Variants in FARP1 observed in about 807,000 individuals in gnomAD.
FARP1 encodes the protein FERM, ARH/RhoGEF and pleckstrin domain protein 1, also known as FERM, ARHGEF and pleckstrin domain-containing protein 1.
In FARP1, 52 loss-of-function variants were observed where a neutral mutation model predicts 128.8. The ratio of observed to expected loss-of-function variants is 0.40; its 90% CI spans 0.32 to 0.51. The LOEUF (loss-of-function observed/expected upper bound fraction) is 0.51. FARP1 is among the 20% of genes least tolerant of loss of function. FARP1 has a pLI of 0.45. For synonymous variants in FARP1, 580 were observed against 551.8 expected, an observed-to-expected ratio of 1.05 and a Z score of -0.72; for missense variants, 1,333 against 1,367.9, an observed-to-expected ratio of 0.97 and a Z score of 0.40.
chr13:98,351,585 C>G (rs1022664465), intron 3 of FARP1, among the ~76,000 whole-genome samples: 5 of 147,822 alleles, frequency 3.4e-5, no homozygotes, highest in African/African-American at 5.0e-5. Context: ...GCTCTCCAGC[C>G]TGGGCAACAA....
chr13:98,350,003 G>A (rs1888347716), intron 3 of FARP1, among the ~76,000 whole-genome samples: 1 of 152,130 alleles, frequency 6.6e-6, no homozygotes, highest in African/African-American at 2.4e-5. Context: ...GAGGACCTCT[G>A]AGGTGAGGAG....
rs1295100387 is a variant in FARP1, at chr13:98,451,503, T to G, written c.*3186T>G. 6.6e-6 allele frequency: 1 copy of G among 152,154 alleles called. No individual in the cohort carries two copies. Among genetic ancestry groups the G allele is most frequent in the Non-Finnish European group, 1.5e-5 (1 of 68,046 alleles). The allele number at this position is 152,154 out of a possible 1,614,324, so 9.4% of individuals were successfully genotyped here. On this transcript the variant is annotated 3_prime_UTR_variant, in exon 27 of 27. Transcript: ENST00000319562. ...ATCCACTTCTAATAAAATACCTCAA[T>G]TTTAGAGCTTAAAAACCAGACTGCA...
rs1474031234 is a variant in FARP1 at position 98,213,310 on chromosome 13, G to C, written c.68G>C (p.Ser23Thr). The change falls in exon 2 of 27, where the codon AGT (serine) becomes ACT (threonine). Residue 23 changes from serine to threonine, a missense_variant. Physicochemically the swap from Ser to Thr is moderately conservative, Grantham distance 58. This residue lies in a region of FARP1 where 324 missense variants were observed against 398.1 expected (regional missense o/e 0.81). Transcript: ENST00000319562. ...RLGAPENSGI[S>T]TLERGQKPPP... ...GGGGCCCCGGAAAATTCGGGGATCAGTACCTTGGAACGTGGACAGAAGCCG... is the reference window on the plus strand; with the variant it reads ...GGGGCCCCGGAAAATTCGGGGATCACTACCTTGGAACGTGGACAGAAGCCG... 6.2e-7 allele frequency: 1 copy of C among 1,614,062 alleles called. No homozygotes were observed. Among genetic ancestry groups the C allele is most frequent in the Non-Finnish European group, 8.5e-7 (1 of 1,180,036 alleles).
rs369204407 is a variant in FARP1, at chr13:98,237,542, G to A, written c.171+24129G>A. On this transcript the variant is annotated intron_variant, in intron 2 of 26. Coordinates refer to ENST00000319562, the MANE Select transcript of FARP1 (RefSeq NM_005766.4). Reference sequence around the variant, plus strand: ...TCTGCTTCAAATGTGGATCATCTCCGTCATGAGCGGTTCATCTCCACTAAA... The same window carrying A: ...TCTGCTTCAAATGTGGATCATCTCCATCATGAGCGGTTCATCTCCACTAAA... Among the ~76,000 whole-genome samples, 141 of 152,278 alleles carry A rather than the reference G, an allele frequency of 9.3e-4. 1 individual carries two copies. Among genetic ancestry groups the A allele is most frequent in the Middle Eastern group, 3.4e-3 (1 of 294 alleles).
intron 13 of FARP1, among the ~76,000 whole-genome samples, chr13:98,408,967 C>A (rs1435611278): frequency 6.6e-6 from 1 of 151,454 alleles, no homozygotes; most frequent in Non-Finnish European, 1.5e-5. Flanking sequence ...CTAATCATTT[C>A]CCCATGTCTC....
In FARP1 at chr13:98,370,738, G is replaced by C. The variant is rs373513616; in HGVS notation, c.398+2543G>C. On this transcript the variant is annotated intron_variant, in intron 5 of 26. Transcript: ENST00000319562. Reference sequence around the variant, plus strand: ...AGCAGCAGGAAGGACATCAGATACAGGAATGTGCAGCTCCAGGGAGACAGT... The same window carrying C: ...AGCAGCAGGAAGGACATCAGATACACGAATGTGCAGCTCCAGGGAGACAGT... 2.6e-5 allele frequency among the ~76,000 whole-genome samples: 4 copies of C among 152,286 alleles called. No homozygotes were observed. In the East Asian group the frequency reaches 7.7e-4, roughly 29 times the overall value.
At chr13:98,423,771 A>G (rs760269716) in intron 16 of FARP1, among the ~76,000 whole-genome samples, 16 of 152,258 alleles carry the variant, frequency 1.1e-4, no homozygotes, top group Non-Finnish European at 2.1e-4. Context: ...GCTCATGACT[A>G]TAATTAACTT....
intron 17 of FARP1, among the ~76,000 whole-genome samples, chr13:98,426,383 A>G (rs1317390343): frequency 2.0e-5 from 3 of 152,152 alleles, no homozygotes; most frequent in African/African-American, 4.8e-5. Context: ...CCAGCTACTC[A>G]GGGGGCTGAG....
chr13:98,422,414 G>T (rs911655856), intron 16 of FARP1, among the ~76,000 whole-genome samples: 2 of 152,178 alleles, frequency 1.3e-5, no homozygotes, highest in Admixed American at 6.5e-5. Flanking sequence ...GAGGACTGAG[G>T]ATGCTGTGTT....
chr13:98,439,327 C>T (rs1278337239), intron 21 of FARP1, 131 bp downstream of exon 21: 2 of 655,646 alleles, frequency 3.1e-6, no homozygotes, highest in Non-Finnish European at 2.7e-6. Flanking sequence ...ATCTTGGTTA[C>T]AAGACATGGG....
At chr13:98,254,579 T>C (rs1831784361) in intron 2 of FARP1, among the ~76,000 whole-genome samples, 1 of 152,206 alleles carries the variant, frequency 6.6e-6, no homozygotes, top group Non-Finnish European at 1.5e-5. Flanking sequence ...CTTCTGCCTG[T>C]GTTGCTGTAG....
At position 98,192,686 on chromosome 13, in the gene FARP1, C is replaced by T. The variant is rs542386663; in HGVS notation, c.-23-20534C>T. 6.6e-4 allele frequency among the ~76,000 whole-genome samples: 100 copies of T among 152,142 alleles called. 1 individual carries two copies. In the South Asian group the frequency reaches 0.011, roughly 17 times the overall value. On this transcript the variant is annotated intron_variant, in intron 1 of 26. Transcript: ENST00000319562. ...GATTACAAGTGTGAGTCACTGCGCCCGGCTGACTTGTTATTCTACTTTCAA... is the reference window on the plus strand; with the variant it reads ...GATTACAAGTGTGAGTCACTGCGCCTGGCTGACTTGTTATTCTACTTTCAA...
At chr13:98,346,851 C>T (rs908334003) in intron 3 of FARP1, among the ~76,000 whole-genome samples, 3 of 152,194 alleles carry the variant, frequency 2.0e-5, no homozygotes, top group Non-Finnish European at 4.4e-5. Flanking sequence ...TGTGTTCTCT[C>T]TCTTGATCTG....
At chr13:98,359,510 C>T (rs752469762) in intron 3 of FARP1, among the ~76,000 whole-genome samples, 1 of 152,146 alleles carries the variant, frequency 6.6e-6, no homozygotes, top group African/African-American at 2.4e-5. Context: ...TTCAGCTTGC[C>T]CTGCCTTTGA....
chr13:98,229,689 T>C lies in FARP1; in HGVS notation c.171+16276T>C, dbSNP rs866559875. On this transcript the variant is annotated intron_variant, in intron 2 of 26. Transcript: ENST00000319562. ...TGATTATTATATACTTTATTTCTTT[T>C]TTTTTTTTTTTTAATAAAGATGGCA... is the stretch of plus-strand genomic sequence containing the variant. Among the ~76,000 whole-genome samples the C allele has an allele frequency of 7.6e-5, 11 of 144,728 alleles. No homozygotes were observed. The South Asian group carries it at 1.9e-3, about 25-fold the overall frequency. The allele number at this position is 144,728 out of a possible 152,430, so 94.9% of individuals were successfully genotyped here.
intron 2 of FARP1, among the ~76,000 whole-genome samples, chr13:98,321,168 G>A (rs1472903897): frequency 6.6e-6 from 1 of 152,190 alleles, no homozygotes; most frequent in East Asian, 1.9e-4. Flanking sequence ...GGTCTTTCCA[G>A]AAGAGCTGAG....
At chr13:98,160,345 C>T (rs1040965395) in intron 1 of FARP1, among the ~76,000 whole-genome samples, 4 of 152,152 alleles carry the variant, frequency 2.6e-5, no homozygotes, top group Non-Finnish European at 4.4e-5. Flanking sequence ...TGGCTATCCC[C>T]TTTCCTTGCA....
At chr13:98,284,844 T>C (rs1439554731) in intron 2 of FARP1, among the ~76,000 whole-genome samples, 1 of 152,158 alleles carries the variant, frequency 6.6e-6, no homozygotes, top group African/African-American at 2.4e-5. Context: ...TGCCAGCTGC[T>C]AGCTATTGAC....
chr13:98,266,887 G>A (rs561059211), intron 2 of FARP1, among the ~76,000 whole-genome samples: 2 of 151,938 alleles, frequency 1.3e-5, no homozygotes, highest in Admixed American at 6.6e-5. Context: ...GGTGGTGCAC[G>A]TCTGTAATCC....
Sources: allele counts gnomAD v4.1 joint callset (sites outside exome capture counted in the v4.1 genomes callset), GRCh38; gene constraint gnomAD v4.1.1; regional missense constraint gnomAD v4.1.1; transcripts MANE v1.5; gene names NCBI Gene and HGNC (gene_info 2026-07-23, HGNC 2026-07-21).